Variants in MAPRE3 observed in about 807,000 individuals in gnomAD.
MAPRE3 encodes microtubule associated protein RP/EB family member 3.
In MAPRE3, 2 loss-of-function variants were observed where a neutral mutation model predicts 30.5. That is an observed-to-expected ratio of 0.07 (90% CI 0.03 to 0.21). The LOEUF (loss-of-function observed/expected upper bound fraction) is 0.21. Among genes scored for constraint, MAPRE3 ranks in the 10% least tolerant of loss-of-function variants. The pLI is 1.00. For synonymous variants in MAPRE3, 110 were observed against 127.7 expected (o/e 0.86, Z 0.93); for missense variants, 204 against 351.8 (o/e 0.58, Z 3.36).
intron 1 of MAPRE3, among the ~76,000 whole-genome samples, chr2:26,998,107 T>C (rs1666506240): frequency 6.6e-6 from 1 of 152,262 alleles, no homozygotes; most frequent in South Asian, 2.1e-4. Context: ...GGTCAACATC[T>C]GTTTTTCTGT....
chr2:27,000,992 AT>A (rs1666583341), intron 1 of MAPRE3, among the ~76,000 whole-genome samples: 1 of 152,262 alleles, frequency 6.6e-6, no homozygotes, highest in Non-Finnish European at 1.5e-5. Flanking sequence ...AATTTTGAAA[AT>A]TCAGATAAAC....
chr2:27,002,922 C>T (rs953425837), intron 1 of MAPRE3: 1 of 152,250 alleles, frequency 6.6e-6, no homozygotes, highest in Non-Finnish European at 1.5e-5. Flanking sequence ...ACTCGTTGCT[C>T]TTACTGGCCT....
chr2:27,006,341 A>G (rs1247118511), intron 1 of MAPRE3, among the ~76,000 whole-genome samples: 1 of 152,190 alleles, frequency 6.6e-6, no homozygotes, highest in Non-Finnish European at 1.5e-5. Flanking sequence ...AGGAAATGTA[A>G]TTTCTTCTTA....
chr2:27,006,559 T>C (rs1038222305), intron 1 of MAPRE3, among the ~76,000 whole-genome samples: 7 of 152,184 alleles, frequency 4.6e-5, no homozygotes, highest in African/African-American at 9.7e-5. Context: ...GCCTCCCAAG[T>C]AGCTGGGACT....
At position 26,970,792 on chromosome 2, in the gene MAPRE3, C is replaced by T; in HGVS notation, c.-18C>T. ...TCCCCCTCCGCCTCCGCCGGAGCCG[C>T]CTCGTGCACTGTGAGTCCGGGCCGA... On this transcript the variant is annotated 5_prime_UTR_variant, in exon 1 of 7. Transcript: ENST00000233121. The T allele has an allele frequency of 6.6e-6, 1 of 152,462 alleles. No individual in the cohort carries two copies. Among genetic ancestry groups the T allele is most frequent in the Non-Finnish European group, 1.5e-5 (1 of 68,172 alleles). The allele number at this position is 152,462 out of a possible 1,614,324, so 9.4% of individuals were successfully genotyped here.
At chr2:27,005,630 C>T (rs1017091713) in intron 1 of MAPRE3, among the ~76,000 whole-genome samples, 2 of 152,162 alleles carry the variant, frequency 1.3e-5, no homozygotes, top group Admixed American at 1.3e-4. Context: ...GCACAGTTTT[C>T]CTTTTCCTTG....
chr2:26,991,024 C>T (rs1463846727), intron 1 of MAPRE3, among the ~76,000 whole-genome samples: 4 of 152,198 alleles, frequency 2.6e-5, no homozygotes, highest in East Asian at 1.9e-4. Context: ...GAGGCCGAGG[C>T]GGGCGGATCA....
At chr2:26,992,156 C>T (rs773763628) in intron 1 of MAPRE3, among the ~76,000 whole-genome samples, 7 of 151,906 alleles carry the variant, frequency 4.6e-5, no homozygotes, top group Non-Finnish European at 7.4e-5. Context: ...TACCTTTTGA[C>T]AAAAATATAC....
At position 27,022,316 on chromosome 2, in the gene MAPRE3, C is replaced by T; in HGVS notation, c.98C>T (p.Thr33Ile). 4 of 1,614,146 alleles carry T rather than the reference C, an allele frequency of 2.5e-6. No homozygotes were observed. Among genetic ancestry groups the T allele is most frequent in the Non-Finnish European group, 2.5e-6 (3 of 1,180,030 alleles). ...WVNDSLHLNY[T>I]KIEQLCSGAA... Reference sequence around the variant, plus strand: ...AACGACTCCCTGCACCTCAACTATACCAAGATAGAACAGCTTTGTTCAGGT... The same window carrying T: ...AACGACTCCCTGCACCTCAACTATATCAAGATAGAACAGCTTTGTTCAGGT... The change falls in exon 2 of 7, where the codon ACC becomes ATC. Residue 33 changes from threonine to isoleucine, a missense_variant. Coordinates refer to ENST00000233121, the MANE Select transcript of MAPRE3 (RefSeq NM_012326.4).
intron 1 of MAPRE3, among the ~76,000 whole-genome samples, chr2:27,006,349 T>A (rs955229344): frequency 1.3e-5 from 2 of 152,252 alleles, no homozygotes. Context: ...TAATTTCTTC[T>A]TAACCTTCAT....
At chr2:26,990,810 T>C (rs144611200) in intron 1 of MAPRE3, among the ~76,000 whole-genome samples, 206 of 152,336 alleles carry the variant, frequency 1.4e-3, no homozygotes, top group African/African-American at 4.8e-3. Context: ...ACTGCTGTTA[T>C]AGCTCTAGTA....
At chr2:26,991,808 G>C (rs1666350256) in intron 1 of MAPRE3, among the ~76,000 whole-genome samples, 1 of 152,214 alleles carries the variant, frequency 6.6e-6, no homozygotes, top group African/African-American at 2.4e-5. Context: ...AATTGGGCCA[G>C]ATGTAAATGG....
chr2:26,981,384 G>A (rs990561062), intron 1 of MAPRE3, among the ~76,000 whole-genome samples: 3 of 152,048 alleles, frequency 2.0e-5, no homozygotes, highest in African/African-American at 7.2e-5. Context: ...GACAGGCGCT[G>A]GTTGTCAGCC....
In MAPRE3 at chr2:26,986,586, G is replaced by A. The variant is rs975813624; in HGVS notation, c.-8+15784G>A. The A allele has an allele frequency of 1.8e-4, 28 of 152,350 alleles. No homozygotes were observed. Among genetic ancestry groups the A allele is most frequent in the African/African-American group, 6.7e-4 (28 of 41,558 alleles). The allele number at this position is 152,350 out of a possible 1,614,324, so 9.4% of individuals were successfully genotyped here. On this transcript the variant is annotated intron_variant, in intron 1 of 6. Coordinates refer to ENST00000233121, the MANE Select transcript of MAPRE3 (RefSeq NM_012326.4). The surrounding 1 kb of genome is among the most constrained non-coding windows in gnomAD (Gnocchi z 4.2). Reference sequence around the variant, plus strand: ...AACAGAAAGATGGGGGTATGAATGTGAGCTAGGCAAGATGAGGTTCTCCCT... The same window carrying A: ...AACAGAAAGATGGGGGTATGAATGTAAGCTAGGCAAGATGAGGTTCTCCCT...
At chr2:26,981,860 T>C (rs1392158464) in intron 1 of MAPRE3, among the ~76,000 whole-genome samples, 1 of 152,208 alleles carries the variant, frequency 6.6e-6, no homozygotes, top group African/African-American at 2.4e-5. Context: ...GGCTTGACAG[T>C]CGACTCTTAG....
At chr2:27,004,060 G>T (rs1666667691) in intron 1 of MAPRE3, among the ~76,000 whole-genome samples, 1 of 152,180 alleles carries the variant, frequency 6.6e-6, no homozygotes. Flanking sequence ...CTGTCAAGAG[G>T]CTCTGTGCCC....
chr2:26,983,764 T>C (rs1666164844), intron 1 of MAPRE3, among the ~76,000 whole-genome samples: 1 of 152,200 alleles, frequency 6.6e-6, no homozygotes, highest in African/African-American at 2.4e-5. Flanking sequence ...TAAAAGATCT[T>C]ATATATTCCT....
chr2:27,021,050 C>T (rs1667101327), intron 1 of MAPRE3, among the ~76,000 whole-genome samples: 1 of 152,068 alleles, frequency 6.6e-6, no homozygotes, highest in African/African-American at 2.4e-5. Flanking sequence ...CTAAACAATA[C>T]AGTATAACAA....
intron 1 of MAPRE3, among the ~76,000 whole-genome samples, chr2:27,003,846 G>A (rs940248590): frequency 1.3e-5 from 2 of 152,064 alleles, no homozygotes; most frequent in African/African-American, 2.4e-5. Context: ...AAAACTCCCC[G>A]GCTGTCAAAA....
Sources: gnomAD v4.1 joint callset for allele counts (sites outside exome capture counted in the v4.1 genomes callset) on GRCh38, gnomAD v4.1.1 for gene constraint, Gnocchi (gnomAD v3.1) non-coding constraint, MANE v1.5 for transcripts, NCBI Gene and HGNC (gene_info 2026-07-23, HGNC 2026-07-21) for gene names.